ATP11A: variants seen among roughly 807,000 people sequenced by gnomAD.
ATP11A encodes ATPase phospholipid transporting 11A.
A neutral mutation model predicts 154.4 loss-of-function variants in ATP11A; 81 were observed. The observed-to-expected ratio is 0.52, with a 90% CI of 0.44 to 0.63. The LOEUF (loss-of-function observed/expected upper bound fraction) is 0.63, where lower values mean the gene tolerates loss of function less well. ATP11A is among the 30% of genes least tolerant of loss of function. The probability of loss-of-function intolerance (pLI) is 0.00; values close to 1 mark genes in which losing one functional copy is unlikely to be tolerated. For synonymous variants in ATP11A, 623 were observed against 585.9 expected, an observed-to-expected ratio of 1.06 and a Z score of -0.91; for missense variants, 1,316 against 1,474.3, an observed-to-expected ratio of 0.89 and a Z score of 1.76.
intron 5 of ATP11A, among the ~76,000 whole-genome samples, chr13:112,810,936 G>T (rs2078476263): frequency 6.6e-6 from 1 of 152,016 alleles, no homozygotes; most frequent in South Asian, 2.1e-4. Flanking sequence ...AACCGAGAAA[G>T]ACCCTGTCTC....
chr13:112,812,601 C>CA (rs896422397), intron 5 of ATP11A, among the ~76,000 whole-genome samples: 1 of 152,234 alleles, frequency 6.6e-6, no homozygotes, highest in East Asian at 1.9e-4. Flanking sequence ...AGGAGGCACT[C>CA]AGAGGCCCTT....
chr13:112,858,984 G>T (rs767932033), intron 22 of ATP11A: 64 of 267,058 alleles, frequency 2.4e-4, no homozygotes, highest in Non-Finnish European at 4.0e-4. Context: ...GGATGAGGAG[G>T]GCCTGCCGTG....
chr13:112,803,405 A>C (rs2140125772), intron 2 of ATP11A, among the ~76,000 whole-genome samples: 1 of 152,288 alleles, frequency 6.6e-6, no homozygotes, highest in African/African-American at 2.4e-5. Flanking sequence ...GCCAGAACCC[A>C]CCTTCGAATG....
intron 19 of ATP11A, 92 bp downstream of exon 19, chr13:112,854,622 G>T: frequency 7.0e-7 from 1 of 1,437,878 alleles, no homozygotes; most frequent in East Asian, 2.3e-5. Flanking sequence ...GAGCCGCATT[G>T]TCTCTACTGG....
intron 1 of ATP11A, among the ~76,000 whole-genome samples, chr13:112,743,679 AG>A (rs1233057822): frequency 6.6e-6 from 1 of 152,196 alleles, no homozygotes; most frequent in Non-Finnish European, 1.5e-5. Context: ...CAGGTGTTGT[AG>A]GTTCCTGCTA....
intron 1 of ATP11A, among the ~76,000 whole-genome samples, chr13:112,700,911 G>T (rs779249733): frequency 6.6e-6 from 1 of 152,318 alleles, no homozygotes; most frequent in African/African-American, 2.4e-5. Flanking sequence ...CTCCACGTGC[G>T]TGGGCTTGGA....
chr13:112,722,644 G>A (rs1352647726), intron 1 of ATP11A, among the ~76,000 whole-genome samples: 14 of 152,208 alleles, frequency 9.2e-5, no homozygotes, highest in Non-Finnish European at 1.5e-5. Context: ...GGAGAGGAGG[G>A]CTCCATTCAG....
intron 1 of ATP11A, among the ~76,000 whole-genome samples, chr13:112,711,820 G>C (rs745394117): frequency 1.3e-5 from 2 of 152,244 alleles, no homozygotes; most frequent in Non-Finnish European, 2.9e-5. Context: ...TGCTGTGAAC[G>C]TAGGGGAGCA....
chr13:112,782,729 T>C (rs1308349819), intron 1 of ATP11A, among the ~76,000 whole-genome samples: 1 of 152,164 alleles, frequency 6.6e-6, no homozygotes, highest in Non-Finnish European at 1.5e-5. Flanking sequence ...GGCTGTGGCA[T>C]GGTCAGGGCA....
chr13:112,715,599 C>T (rs1888368413), intron 1 of ATP11A, among the ~76,000 whole-genome samples: 1 of 116,970 alleles, frequency 8.5e-6, no homozygotes, highest in African/African-American at 3.0e-5. Flanking sequence ...CTGGCTGATC[C>T]CCCCACCTGG....
At chr13:112,734,188 G>A (rs920958722) in intron 1 of ATP11A, among the ~76,000 whole-genome samples, 1 of 152,150 alleles carries the variant, frequency 6.6e-6, no homozygotes, top group Non-Finnish European at 1.5e-5. Flanking sequence ...TAAGCCCTCT[G>A]GACGTGGCCT....
chr13:112,756,823 C>G (rs563582607), intron 1 of ATP11A, among the ~76,000 whole-genome samples: 1 of 152,032 alleles, frequency 6.6e-6, no homozygotes, highest in Non-Finnish European at 1.5e-5. Context: ...GAGGGGTCTG[C>G]TCCCAGCACG....
At chr13:112,719,433 C>T (rs917699043) in intron 1 of ATP11A, among the ~76,000 whole-genome samples, 1 of 152,146 alleles carries the variant, frequency 6.6e-6, no homozygotes, top group African/African-American at 2.4e-5. Context: ...GGGAATAATC[C>T]CATTTGCCGA....
intron 16 of ATP11A, among the ~76,000 whole-genome samples, chr13:112,839,181 G>A (rs573764130): frequency 6.6e-6 from 1 of 152,332 alleles, no homozygotes; most frequent in South Asian, 2.1e-4. Flanking sequence ...AGGCAGATGT[G>A]AAATCTCTCT....
At chr13:112,829,048 T>C (rs2079022336) in intron 12 of ATP11A, among the ~76,000 whole-genome samples, 1 of 152,268 alleles carries the variant, frequency 6.6e-6, no homozygotes, top group Non-Finnish European at 1.5e-5. Flanking sequence ...TCCTGTGTGC[T>C]CAGTGCTATT....
At chr13:112,726,413 C>G (rs1166748167) in intron 1 of ATP11A, among the ~76,000 whole-genome samples, 1 of 151,606 alleles carries the variant, frequency 6.6e-6, no homozygotes, top group African/African-American at 2.4e-5. Context: ...CATGGGGCAC[C>G]ATCTGTGTGC....
Position 112,775,747 on chromosome 13 carries a change from G to A in ATP11A, c.40-9388G>A, listed in dbSNP as rs150053489. On this transcript the variant is annotated intron_variant, in intron 1 of 29. Coordinates refer to ENST00000375645, the MANE Select transcript of ATP11A (RefSeq NM_015205.3). ...CCTGTAAGTGGGTGTATCTGGAGAG[G>A]TGTCATCCTTCCTGAAGAGGGACAG... is the stretch of plus-strand genomic sequence containing the variant. 3.2e-4 allele frequency among the ~76,000 whole-genome samples: 49 copies of A among 152,236 alleles called. No homozygotes were observed. The East Asian group carries it at 9.3e-3, about 29-fold the overall frequency.
chr13:112,800,821 T>G (rs542426820), intron 2 of ATP11A, among the ~76,000 whole-genome samples: 1 of 152,358 alleles, frequency 6.6e-6, no homozygotes, highest in East Asian at 1.9e-4. Flanking sequence ...GGGTTTATCC[T>G]AGGTATGCAA....
chr13:112,723,505 C>T (rs909552857), intron 1 of ATP11A, among the ~76,000 whole-genome samples: 2 of 150,210 alleles, frequency 1.3e-5, no homozygotes, highest in African/African-American at 2.5e-5. Context: ...CTCCTAACCT[C>T]AGGTGATCCG....
Sources: allele counts gnomAD v4.1 joint callset (sites outside exome capture counted in the v4.1 genomes callset), GRCh38; gene constraint gnomAD v4.1.1; transcripts MANE v1.5; gene names NCBI Gene and HGNC (gene_info 2026-07-23, HGNC 2026-07-21).